RALGAPA1: variants seen among roughly 807,000 people sequenced by gnomAD.
The protein encoded by RALGAPA1 is ral GTPase-activating protein subunit alpha-1.
A neutral mutation model predicts 269.6 loss-of-function variants in RALGAPA1; 52 were observed. The observed-to-expected ratio is 0.19, with a 90% CI of 0.15 to 0.24. The LOEUF (loss-of-function observed/expected upper bound fraction) is 0.24. RALGAPA1 is among the 10% of genes least tolerant of loss of function. The probability of loss-of-function intolerance (pLI) is 1.00; values close to 1 mark genes in which losing one functional copy is unlikely to be tolerated. For synonymous variants in RALGAPA1, 817 were observed against 1,008.3 expected (o/e 0.81, Z 3.60); for missense variants, 1,917 against 3,013.9 (o/e 0.64, Z 8.52).
At chr14:35,549,032 C>T in intron 40 of RALGAPA1, 78 bp downstream of exon 40, 1 of 1,494,356 alleles carries the variant, frequency 6.7e-7, no homozygotes, top group Non-Finnish European at 9.0e-7. Flanking sequence ...GAATTTTTTT[C>T]AAGCAAGTTT....
intron 8 of RALGAPA1, among the ~76,000 whole-genome samples, chr14:35,751,759 G>A (rs1042233785): frequency 2.0e-5 from 3 of 151,376 alleles, no homozygotes; most frequent in Non-Finnish European, 4.4e-5. Flanking sequence ...CCAGCCTCCT[G>A]GGTGACAGAG....
Position 35,570,604 on chromosome 14 carries a change from A to T in RALGAPA1, c.7496+13T>A. The T allele has an allele frequency of 1.9e-6, 3 of 1,582,218 alleles. No homozygotes were observed. Among genetic ancestry groups the T allele is most frequent in the Non-Finnish European group, 2.6e-6 (3 of 1,166,196 alleles). Reference sequence around the variant, plus strand: ...ACGTTAGAGTAGAAACCATTACATTAAAAAAAGGATACAAGTTTTGATACA... The same window carrying T: ...ACGTTAGAGTAGAAACCATTACATTTAAAAAAGGATACAAGTTTTGATACA... On this transcript the variant is annotated intron_variant, in intron 39 of 41. Transcript: ENST00000680220.
At chr14:35,787,744 TAA>T (rs759588666) in intron 1 of RALGAPA1, among the ~76,000 whole-genome samples, 7 of 139,568 alleles carry the variant, frequency 5.0e-5, no homozygotes, top group African/African-American at 2.6e-5. Context: ...CCCAGCTAAT[TAA>T]AAAAAAAAAA....
intron 4 of RALGAPA1, chr14:35,766,985 C>A: frequency 2.6e-6 from 1 of 380,634 alleles, no homozygotes. Flanking sequence ...TGACTAGCAG[C>A]TTCTTACAGT....
intron 31 of RALGAPA1, among the ~76,000 whole-genome samples, chr14:35,649,729 T>C (rs1246467786): frequency 2.0e-5 from 3 of 152,236 alleles, no homozygotes; most frequent in Non-Finnish European, 2.9e-5. Context: ...TTCTCTATTC[T>C]ACCTTGTATC....
At chr14:35,576,001 A>C (rs1329718002) in intron 37 of RALGAPA1, among the ~76,000 whole-genome samples, 1 of 152,222 alleles carries the variant, frequency 6.6e-6, no homozygotes, top group African/African-American at 2.4e-5. Context: ...AAATAAATCC[A>C]ATCTGTATTC....
intron 35 of RALGAPA1, among the ~76,000 whole-genome samples, chr14:35,613,848 C>G (rs2060096704): frequency 6.6e-6 from 1 of 152,112 alleles, no homozygotes; most frequent in Non-Finnish European, 1.5e-5. Context: ...TACAATTCAA[C>G]CCAGTACACA....
chr14:35,577,266 T>A (rs781220837), intron 37 of RALGAPA1, among the ~76,000 whole-genome samples: 1 of 152,140 alleles, frequency 6.6e-6, no homozygotes, highest in Non-Finnish European at 1.5e-5. Context: ...AATGTTTGCA[T>A]CCCATCCACC....
chr14:35,768,953 A>G (rs1191863249), intron 4 of RALGAPA1, among the ~76,000 whole-genome samples: 3 of 131,058 alleles, frequency 2.3e-5, no homozygotes, highest in Admixed American at 8.9e-5. Flanking sequence ...GGTTGTGGTG[A>G]GCCGAGATAG....
At chr14:35,789,632 C>G (rs2076019724) in intron 1 of RALGAPA1, among the ~76,000 whole-genome samples, 1 of 152,016 alleles carries the variant, frequency 6.6e-6, no homozygotes, top group Non-Finnish European at 1.5e-5. Context: ...TGAGGTGGAA[C>G]AGTTTCATCC....
intron 41 of RALGAPA1, among the ~76,000 whole-genome samples, chr14:35,546,473 T>A (rs143718360): frequency 4.6e-5 from 7 of 151,068 alleles, no homozygotes; most frequent in East Asian, 1.9e-4. Context: ...ATAATAATAA[T>A]AAATATTATT....
At chr14:35,740,735 G>A (rs954417744) in intron 11 of RALGAPA1, among the ~76,000 whole-genome samples, 3 of 152,172 alleles carry the variant, frequency 2.0e-5, no homozygotes, top group African/African-American at 7.2e-5. Context: ...TTGAACCCGG[G>A]AGGTGGAGGT....
intron 8 of RALGAPA1, among the ~76,000 whole-genome samples, 162 bp from the exon 9 acceptor site, chr14:35,750,852 T>C (rs1357154388): frequency 6.6e-6 from 1 of 152,230 alleles, no homozygotes; most frequent in Admixed American, 6.5e-5. Context: ...GATGTTTGCA[T>C]GGAACTCAGA....
chr14:35,601,967 C>G (rs1055934149), intron 36 of RALGAPA1, among the ~76,000 whole-genome samples: 6 of 152,082 alleles, frequency 3.9e-5, no homozygotes, highest in Non-Finnish European at 8.8e-5. Context: ...GTTGTCACCC[C>G]CCTCCTCCCT....
chr14:35,712,505 T>G (rs2068444364), intron 16 of RALGAPA1, among the ~76,000 whole-genome samples: 3 of 152,114 alleles, frequency 2.0e-5, no homozygotes, highest in Admixed American at 6.6e-5. Context: ...ATTTTTAAAT[T>G]TGTTATATTT....
intron 13 of RALGAPA1, among the ~76,000 whole-genome samples, chr14:35,726,510 T>C (rs761034115): frequency 1.3e-5 from 2 of 151,944 alleles, no homozygotes; most frequent in Non-Finnish European, 2.9e-5. Flanking sequence ...TCTGGCCAGG[T>C]GTGGTGGCTC....
chr14:35,646,094 TCTTC>T (rs1166276178), intron 31 of RALGAPA1, among the ~76,000 whole-genome samples: 1 of 152,114 alleles, frequency 6.6e-6, no homozygotes, highest in East Asian at 1.9e-4. Flanking sequence ...AAAGGAAAGC[TCTTC>T]CTTATACGTA....
At chr14:35,709,483 G>A (rs1233299736) in intron 16 of RALGAPA1, among the ~76,000 whole-genome samples, 1 of 151,820 alleles carries the variant, frequency 6.6e-6, no homozygotes, top group Non-Finnish European at 1.5e-5. Flanking sequence ...CAGATTTATT[G>A]GTTTTGTTGA....
intron 1 of RALGAPA1, among the ~76,000 whole-genome samples, chr14:35,806,543 A>G (rs965526776): frequency 2.0e-5 from 3 of 152,224 alleles, no homozygotes; most frequent in African/African-American, 4.8e-5. Context: ...GTGGGAACAC[A>G]TGCCAGGAAA....
Sources: allele counts gnomAD v4.1 joint callset (sites outside exome capture counted in the v4.1 genomes callset), GRCh38; gene constraint gnomAD v4.1.1; transcripts MANE v1.5; gene names NCBI Gene and HGNC (gene_info 2026-07-23, HGNC 2026-07-21).